The following MTMR3 variants were observed in gnomAD, a reference collection of about 807,000 sequenced individuals.
The protein encoded by MTMR3 is phosphatidylinositol-3,5-bisphosphate 3-phosphatase MTMR3.
In MTMR3, 32 loss-of-function variants were observed where a neutral mutation model predicts 132.4. The observed-to-expected ratio is 0.24, with a 90% confidence interval of 0.18 to 0.32. The LOEUF (loss-of-function observed/expected upper bound fraction) is 0.32. Among genes scored for constraint, MTMR3 ranks in the 10% least tolerant of loss-of-function variants. The probability of loss-of-function intolerance (pLI) is 1.00; values close to 1 mark genes in which losing one functional copy is unlikely to be tolerated. For missense variants in MTMR3, 1,216 were observed against 1,489.6 expected, an observed-to-expected ratio of 0.82 and a Z score of 3.02; for synonymous variants, 556 against 550.3, an observed-to-expected ratio of 1.01 and a Z score of -0.14.
Position 30,023,628 on chromosome 22 carries a change from G to C in MTMR3, c.3425+931G>C, listed in dbSNP as rs2067826430. ...ACAGGCAGATAGGTGGGCTTGAGGG[G>C]ATTCAAAGCAGCTGAGGAGAGGCCA... On this transcript the variant is annotated intron_variant, in intron 19 of 19. Transcript: ENST00000401950. The C allele has an allele frequency of 1.1e-5, 11 of 981,260 alleles. No individual in the cohort carries two copies. The East Asian group carries it at 2.7e-4, about 24-fold the overall frequency. 60.8% of individuals were successfully genotyped at this position (981,260 alleles called of 1,614,324 possible). A position where few individuals can be genotyped will look rare whatever the true frequency, so the allele number is the denominator to read the frequency against.
intron 14 of MTMR3, chr22:30,015,788 A>G (rs2067573701): frequency 6.6e-6 from 1 of 152,126 alleles, no homozygotes; most frequent in Non-Finnish European, 1.5e-5. Flanking sequence ...TTACCTCTCT[A>G]GGTTCATTTC....
At position 29,910,269 on chromosome 22, in the gene MTMR3, A is replaced by T. The variant is rs1473286012; in HGVS notation, c.-138+26910A>T. Among the ~76,000 whole-genome samples the T allele has an allele frequency of 2.6e-5, 4 of 152,176 alleles. No homozygotes were observed. In the East Asian group the frequency reaches 7.7e-4, roughly 29 times the overall value. ...CTGAGTGTACATCCAAATCCAGTGC[A>T]GTTATGTAGAACAAAACAGTTTGTA... On this transcript the variant is annotated intron_variant, in intron 1 of 19. Coordinates refer to ENST00000401950, the MANE Select transcript of MTMR3 (RefSeq NM_021090.4).
chr22:29,988,765 G>A, intron 6 of MTMR3: 3 of 316,620 alleles, frequency 9.5e-6, no homozygotes, highest in Non-Finnish European at 1.7e-5. Flanking sequence ...TTTTAATTTG[G>A]AAATAATTTT....
Position 29,972,760 on chromosome 22 carries a change from G to A in MTMR3, c.3+1698G>A, listed in dbSNP as rs867820178. On this transcript the variant is annotated intron_variant, in intron 3 of 19. Transcript: ENST00000401950. ...TAATTTTTGTATTTTCAGTAGAGAC[G>A]GGGTTTCGCCATGTTGGCCAGGCTG... 6.6e-5 allele frequency among the ~76,000 whole-genome samples: 10 copies of A among 152,186 alleles called. 1 individual carries two copies. In the Middle Eastern group the frequency reaches 0.017, roughly 259 times the overall value.
chr22:30,004,093 A>C (rs2067228083), intron 9 of MTMR3: 1 of 152,238 alleles, frequency 6.6e-6, no homozygotes, highest in Non-Finnish European at 1.5e-5. Context: ...GAGATGGAAA[A>C]GTATTTGCTC....
At chr22:29,897,135 A>G (rs1012692784) in intron 1 of MTMR3, among the ~76,000 whole-genome samples, 6 of 147,222 alleles carry the variant, frequency 4.1e-5, no homozygotes, top group African/African-American at 1.5e-4. Context: ...GCTGGAGTGC[A>G]GTGGTGGAAT....
intron 1 of MTMR3, among the ~76,000 whole-genome samples, chr22:29,886,766 A>C (rs1271735568): frequency 6.6e-6 from 1 of 152,238 alleles, no homozygotes; most frequent in South Asian, 2.1e-4. Flanking sequence ...AGTGTTATGT[A>C]GAAAGAACAT....
Position 30,009,069 on chromosome 22 carries a change from C to G in MTMR3, c.1061C>G (p.Ser354Cys). 1 of 1,613,910 alleles carries G rather than the reference C, an allele frequency of 6.2e-7. No individual in the cohort carries two copies. Among genetic ancestry groups the G allele is most frequent in the Non-Finnish European group, 8.5e-7 (1 of 1,179,764 alleles). ...VVFMGMANIH[S>C]IRRSFQSLRL... Reference sequence around the variant, plus strand: ...TTTATGGGGATGGCAAACATTCATTCTATTCGGAGGAGTTTTCAGTCTCTG... The same window carrying G: ...TTTATGGGGATGGCAAACATTCATTGTATTCGGAGGAGTTTTCAGTCTCTG... The change falls in exon 12 of 20, where the codon TCT becomes TGT. Residue 354 changes from serine (S) to cysteine (C), a missense_variant. Coordinates refer to ENST00000401950, the MANE Select transcript of MTMR3 (RefSeq NM_021090.4).
At chr22:29,970,119 C>T (rs1184465185) in intron 2 of MTMR3, among the ~76,000 whole-genome samples, 1 of 152,068 alleles carries the variant, frequency 6.6e-6, no homozygotes, top group African/African-American at 2.4e-5. Flanking sequence ...TTCTTTCCCC[C>T]TTTTTTGTTC....
At position 30,029,914 on chromosome 22, in the gene MTMR3, A is replaced by G. The variant is rs753087847; in HGVS notation, c.*4113A>G. 1.3e-5 allele frequency: 2 copies of G among 152,358 alleles called. No homozygotes were observed. Among genetic ancestry groups the G allele is most frequent in the African/African-American group, 4.8e-5 (2 of 41,438 alleles). 9.4% of individuals were successfully genotyped at this position (152,358 alleles called of 1,614,324 possible). A position where few individuals can be genotyped will look rare whatever the true frequency, so the allele number is the denominator to read the frequency against. ...CAAGATTTCTCAAGGGCAGGACCAG[A>G]TATGTGAGAGACTTCTAGTTCAGAG... is the stretch of plus-strand genomic sequence containing the variant. On this transcript the variant is annotated 3_prime_UTR_variant, in exon 20 of 20. Transcript: ENST00000401950.
chr22:30,010,815 G>GAT (rs2067399971), intron 12 of MTMR3: 2 of 152,096 alleles, frequency 1.3e-5, no homozygotes, highest in Non-Finnish European at 2.9e-5. Context: ...ATAAACAATT[G>GAT]ATCCATCAGG....
At chr22:29,971,133 A>G in intron 3 of MTMR3, 71 bp downstream of exon 3, 1 of 1,463,100 alleles carries the variant, frequency 6.8e-7, no homozygotes, top group East Asian at 2.3e-5. Flanking sequence ...GTGAACACTA[A>G]TAAATTCATA....
chr22:29,922,209 G>A (rs2065430777), intron 1 of MTMR3, among the ~76,000 whole-genome samples: 2 of 151,976 alleles, frequency 1.3e-5, no homozygotes, highest in African/African-American at 4.8e-5. Flanking sequence ...AGTAGAGACG[G>A]GGTTTTGCCA....
Position 30,027,667 on chromosome 22 carries a change from CTTT to C in MTMR3, c.*1870_*1872del. ...TAGCTCTTTTTTGATCGATGAAGCACTTTTTTATTAATATTTTCCTTTGTTAAA... is the reference window on the plus strand; with the variant it reads ...TAGCTCTTTTTTGATCGATGAAGCACTTTATTAATATTTTCCTTTGTTAAA... On this transcript the variant is annotated 3_prime_UTR_variant, in exon 20 of 20. Transcript: ENST00000401950. The C allele has an allele frequency of 6.5e-6, 1 of 152,686 alleles. No homozygotes were observed. Among genetic ancestry groups the C allele is most frequent in the Non-Finnish European group, 1.5e-5 (1 of 68,016 alleles). The allele number at this position is 152,686 out of a possible 1,614,324, so 9.5% of individuals were successfully genotyped here.
chr22:30,023,508 G>C, intron 19 of MTMR3: 1 of 1,613,716 alleles, frequency 6.2e-7, no homozygotes, highest in Non-Finnish European at 8.5e-7. Context: ...CAACCTGCCT[G>C]TGATGTCTGC....
chr22:30,021,138 A>G (rs560968093), intron 17 of MTMR3: 2 of 518,798 alleles, frequency 3.9e-6, no homozygotes, highest in East Asian at 6.5e-5. Flanking sequence ...CATGCACTGC[A>G]TGGTTGATCA....
At chr22:29,913,977 C>T (rs1345178980) in intron 1 of MTMR3, among the ~76,000 whole-genome samples, 1 of 152,056 alleles carries the variant, frequency 6.6e-6, no homozygotes, top group Non-Finnish European at 1.5e-5. Flanking sequence ...GGTCTGATCT[C>T]TTGAGCTCGT....
chr22:29,891,671 G>A (rs1377104086), intron 1 of MTMR3, among the ~76,000 whole-genome samples: 2 of 152,122 alleles, frequency 1.3e-5, no homozygotes, highest in Non-Finnish European at 2.9e-5. Context: ...GGCTTCAAGT[G>A]AATTGCCTGC....
At chr22:29,909,836 T>C (rs2065173375) in intron 1 of MTMR3, among the ~76,000 whole-genome samples, 1 of 152,196 alleles carries the variant, frequency 6.6e-6, no homozygotes, top group Non-Finnish European at 1.5e-5. Flanking sequence ...TTGCCTCAGA[T>C]CGAGCTTGAA....
Sources: allele counts gnomAD v4.1 joint callset (sites outside exome capture counted in the v4.1 genomes callset), GRCh38; gene constraint gnomAD v4.1.1; transcripts MANE v1.5; gene names NCBI Gene and HGNC (gene_info 2026-07-23, HGNC 2026-07-21).